The following RICTOR variants were observed in gnomAD, a reference collection of about 807,000 sequenced individuals.
RICTOR encodes the protein RPTOR independent companion of MTOR complex 2.
Under a neutral mutation model 214.9 loss-of-function variants are expected in RICTOR, and 49 were observed. That is an observed-to-expected ratio of 0.23 (90% CI 0.18 to 0.29). The LOEUF is 0.29. Ranked by LOEUF, RICTOR falls within the 10% of genes least tolerant of loss-of-function variation. RICTOR has a pLI of 1.00. For missense variants in RICTOR, 1,625 were observed against 2,047.0 expected, an observed-to-expected ratio of 0.79 and a Z score of 3.98; for synonymous variants, 717 against 711.3, an observed-to-expected ratio of 1.01 and a Z score of -0.13.
At chr5:38,977,206 A>G (rs1453539224) in intron 9 of RICTOR, among the ~76,000 whole-genome samples, 1 of 152,230 alleles carries the variant, frequency 6.6e-6, no homozygotes, top group African/African-American at 2.4e-5. Flanking sequence ...GCAGTTGTAC[A>G]GTAGCAAGAA....
chr5:38,939,724 A>C lies in RICTOR; in HGVS notation c.*2580T>G. 2 of 229,640 alleles carry C rather than the reference A, an allele frequency of 8.7e-6. No homozygotes were observed. The highest frequency in any genetic ancestry group is 1.7e-5 in the Non-Finnish European group (2 of 115,870). 14.2% of individuals were successfully genotyped at this position (229,640 alleles called of 1,614,324 possible). A position where few individuals can be genotyped will look rare whatever the true frequency, so the allele number is the denominator to read the frequency against. On this transcript the variant is annotated 3_prime_UTR_variant, in exon 38 of 38. Coordinates refer to ENST00000357387, the MANE Select transcript of RICTOR (RefSeq NM_152756.5). ...CAATAGTACAAATTTATATGGACTAAGATTAATCCTAAAATCTTTAAAAAC... is the reference window on the plus strand; with the variant it reads ...CAATAGTACAAATTTATATGGACTACGATTAATCCTAAAATCTTTAAAAAC...
At chr5:38,953,330 G>A in intron 28 of RICTOR, 131 bp downstream of exon 28, 1 of 534,414 alleles carries the variant, frequency 1.9e-6, no homozygotes, top group Non-Finnish European at 3.3e-6. Context: ...TATATTGGCA[G>A]GAACAATCCA....
rs2150061706 is a variant in RICTOR at position 38,981,942 on chromosome 5, G to A, written c.678C>T (p.Ala226=). The A allele has an allele frequency of 6.2e-7, 1 of 1,612,832 alleles. No individual in the cohort carries two copies. Among genetic ancestry groups the A allele is most frequent in the Middle Eastern group, 1.7e-4 (1 of 6,054 alleles). The stretch of plus-strand genomic sequence containing the variant: ...GAAGGTGCAAAATTGTAGTAATTAG[G>A]GCCTCATTTATTCGACTTAATTGGC... ...IDCQLSRINE[A]LITTILHLLN... is the part of the protein sequence containing the mutation. Residue 226 remains alanine, a synonymous_variant, in exon 8 of 38, where the codon GCC becomes GCT. Transcript: ENST00000357387.
intron 2 of RICTOR, among the ~76,000 whole-genome samples, chr5:39,048,607 G>T (rs1378651540): frequency 6.6e-6 from 1 of 152,148 alleles, no homozygotes; most frequent in East Asian, 1.9e-4. Context: ...ACTCTGCTGG[G>T]AAGATTCTAG....
chr5:39,060,573 G>C (rs955646179), intron 2 of RICTOR, among the ~76,000 whole-genome samples: 1 of 151,900 alleles, frequency 6.6e-6, no homozygotes, highest in African/African-American at 2.4e-5. Context: ...TATTCATAAT[G>C]ATGACCCTAG....
At chr5:39,003,409 T>C in intron 4 of RICTOR, 149 bp downstream of exon 4, 1 of 508,352 alleles carries the variant, frequency 2.0e-6, no homozygotes, top group Non-Finnish European at 3.5e-6. Flanking sequence ...AAAACTACTG[T>C]AGCTCTTAGA....
chr5:39,034,604 G>A (rs1011114295), intron 2 of RICTOR, among the ~76,000 whole-genome samples: 20 of 152,200 alleles, frequency 1.3e-4, no homozygotes, highest in Non-Finnish European at 2.1e-4. Flanking sequence ...GGAAAATCGG[G>A]TCACTCACAC....
chr5:39,023,103 T>C (rs928188434), intron 2 of RICTOR, among the ~76,000 whole-genome samples: 9 of 144,500 alleles, frequency 6.2e-5, no homozygotes, highest in Non-Finnish European at 1.1e-4. Context: ...AGAAGTTACA[T>C]AGAGAAAAAC....
rs147748862 is a variant in RICTOR, at chr5:38,987,497, G to A, written c.583+3452C>T. 2.0e-3 allele frequency among the ~76,000 whole-genome samples: 308 copies of A among 152,200 alleles called. 1 individual carries two copies. The highest frequency in any genetic ancestry group is 0.01 in the Middle Eastern group (3 of 294). ...ATTCGAGATTTTCTAGTTTATTTGC[G>A]TAGAGGTGTTTATAGTATTCTCTTA... On this transcript the variant is annotated intron_variant, in intron 7 of 37. Coordinates refer to ENST00000357387, the MANE Select transcript of RICTOR (RefSeq NM_152756.5).
chr5:39,053,696 T>A (rs573584319), intron 2 of RICTOR, among the ~76,000 whole-genome samples: 6,356 of 151,182 alleles, frequency 0.042, 243 homozygotes, highest in African/African-American at 0.098. Context: ...ATCGAGACCA[T>A]CCTGGCTAAC....
At chr5:39,074,018 G>C in intron 2 of RICTOR, 93 bp downstream of exon 2, 1 of 934,566 alleles carries the variant, frequency 1.1e-6, no homozygotes, top group Non-Finnish European at 1.4e-6. Context: ...CGCCGGTCCC[G>C]TGCGGGGCCC....
intron 2 of RICTOR, among the ~76,000 whole-genome samples, chr5:39,073,661 G>C (rs1206636356): frequency 6.6e-6 from 1 of 152,180 alleles, no homozygotes; most frequent in Non-Finnish European, 1.5e-5. Context: ...GCACCGAGCA[G>C]GTCCGGCTTC....
At chr5:39,074,292 G>T in intron 1 of RICTOR, 37 bp downstream of exon 1, 1 of 1,561,210 alleles carries the variant, frequency 6.4e-7, no homozygotes, top group Non-Finnish European at 8.7e-7. Flanking sequence ...GGTGGCGGGC[G>T]CCGGGCGGTG....
At chr5:39,052,891 G>A (rs932569645) in intron 2 of RICTOR, among the ~76,000 whole-genome samples, 1 of 152,112 alleles carries the variant, frequency 6.6e-6, no homozygotes, top group African/African-American at 2.4e-5. Context: ...CTACACTATT[G>A]CTGAACCCAA....
intron 2 of RICTOR, among the ~76,000 whole-genome samples, chr5:39,029,388 C>T (rs1025768994): frequency 6.6e-6 from 1 of 151,714 alleles, no homozygotes; most frequent in African/African-American, 2.4e-5. Context: ...TGGCTCAATT[C>T]TCTGTATGTG....
intron 2 of RICTOR, among the ~76,000 whole-genome samples, chr5:39,039,147 G>C (rs891068938): frequency 1.3e-5 from 2 of 152,006 alleles, no homozygotes; most frequent in Non-Finnish European, 1.5e-5. Context: ...AACAGAGCCC[G>C]CAGAAATAAT....
chr5:39,013,765 G>A (rs1754727372), intron 3 of RICTOR, among the ~76,000 whole-genome samples: 2 of 152,072 alleles, frequency 1.3e-5, no homozygotes, highest in South Asian at 4.1e-4. Context: ...AGGAAAGCAT[G>A]CTATGATATA....
intron 8 of RICTOR, chr5:38,981,493 T>C (rs1270530821): frequency 6.3e-6 from 1 of 158,322 alleles, no homozygotes; most frequent in Non-Finnish European, 1.4e-5. Flanking sequence ...TTCAGATAAT[T>C]TTAGGTTTCA....
chr5:39,002,734 C>G, intron 4 of RICTOR, 68 bp from the exon 5 acceptor site: 1 of 1,467,322 alleles, frequency 6.8e-7, no homozygotes, highest in Non-Finnish European at 9.2e-7. Flanking sequence ...ATTATATTAC[C>G]AAATTATTCC....
Sources: gnomAD v4.1 joint callset for allele counts (sites outside exome capture counted in the v4.1 genomes callset) on GRCh38, gnomAD v4.1.1 for gene constraint, MANE v1.5 for transcripts, NCBI Gene and HGNC (gene_info 2026-07-23, HGNC 2026-07-21) for gene names.